MELTF: variants seen among roughly 807,000 people sequenced by gnomAD.
MELTF encodes the protein melanotransferrin.
Under a neutral mutation model 83.7 loss-of-function variants are expected in MELTF, and 67 were observed. That is an observed-to-expected ratio of 0.80 (90% CI 0.66 to 0.98). The LOEUF (loss-of-function observed/expected upper bound fraction) is 0.98, where lower values mean the gene tolerates loss of function less well. Ranked by LOEUF, MELTF falls within the 50% of genes least tolerant of loss-of-function variation. MELTF has a pLI of 0.00. For missense variants in MELTF, 1,002 were observed against 1,035.6 expected (o/e 0.97, Z 0.44); for synonymous variants, 462 against 447.6 (o/e 1.03, Z -0.41).
At chr3:197,020,779 C>T (rs2148588606) in intron 6 of MELTF, among the ~76,000 whole-genome samples, 1 of 152,166 alleles carries the variant, frequency 6.6e-6, no homozygotes, top group Middle Eastern at 3.4e-3. Flanking sequence ...AGCAATTCCC[C>T]TGCCTCAGCC....
In MELTF at chr3:197,002,877, C is replaced by A. The variant is rs1718795476; in HGVS notation, c.*495G>T. The A allele has an allele frequency of 6.6e-6, 1 of 152,044 alleles. No homozygotes were observed. Among genetic ancestry groups the A allele is most frequent in the African/African-American group, 2.4e-5 (1 of 41,442 alleles). The allele number at this position is 152,044 out of a possible 1,614,324, so 9.4% of individuals were successfully genotyped here. A position where few individuals can be genotyped will look rare whatever the true frequency, so the allele number is the denominator to read the frequency against. On this transcript the variant is annotated 3_prime_UTR_variant, in exon 16 of 16. Transcript: ENST00000296350. ...GCTTCTCCCCGTCGCCCCGGTCCGG[C>A]CTCCCTCCCGCCGCCGCCAGCAGAG...
Position 197,002,737 on chromosome 3 carries a change from C to T in MELTF, c.*635G>A, listed in dbSNP as rs1577921070. On this transcript the variant is annotated 3_prime_UTR_variant, in exon 16 of 16. Transcript: ENST00000296350. ...TGGCCCGGGATGGAGCTGGCGCGGC[C>T]ACAGTGGGGGACGAGGCAGGGCACG... The T allele has an allele frequency of 6.6e-6, 1 of 152,424 alleles. No homozygotes were observed. The highest frequency in any genetic ancestry group is 2.1e-4 in the South Asian group (1 of 4,832). The allele number at this position is 152,424 out of a possible 1,614,324, so 9.4% of individuals were successfully genotyped here. A position where few individuals can be genotyped will look rare whatever the true frequency, so the allele number is the denominator to read the frequency against.
Position 197,029,320 on chromosome 3 carries a change from G to A in MELTF, c.49+334C>T, listed in dbSNP as rs184313219. The A allele has an allele frequency of 1.1e-5, 3 of 284,694 alleles. No homozygotes were observed. Among genetic ancestry groups the A allele is most frequent in the Non-Finnish European group, 2.0e-5 (3 of 153,502 alleles). 17.6% of individuals were successfully genotyped at this position (284,694 alleles called of 1,614,324 possible). A position where few individuals can be genotyped will look rare whatever the true frequency, so the allele number is the denominator to read the frequency against. On this transcript the variant is annotated intron_variant, in intron 1 of 15. Transcript: ENST00000296350. This position sits in a 1 kb window ranked among gnomAD's most constrained non-coding sequence, Gnocchi z 6.5. ...TGCTCCGAGCCCCCAAAGTCTTCCT[G>A]AGTTCCTGCGCCCGTCGGGAGGGGC...
intron 9 of MELTF, among the ~76,000 whole-genome samples, chr3:197,012,029 C>A (rs151273289): frequency 6.6e-6 from 1 of 152,202 alleles, no homozygotes; most frequent in African/African-American, 2.4e-5. Context: ...ACCCTCCCAA[C>A]GAGCCCTTTC....
At chr3:197,010,073 G>T (rs1333435101) in intron 10 of MELTF, among the ~76,000 whole-genome samples, 1 of 152,210 alleles carries the variant, frequency 6.6e-6, no homozygotes, top group East Asian at 1.9e-4. Context: ...CCCCACAGGG[G>T]CTTCTTTCTT....
intron 8 of MELTF, 149 bp downstream of exon 8, chr3:197,016,040 A>G (rs949104229): frequency 3.0e-6 from 2 of 660,680 alleles, no homozygotes; most frequent in African/African-American, 3.8e-5. Flanking sequence ...CTCCTCCCCA[A>G]AGCCCCAGGG....
Position 197,029,056 on chromosome 3 carries a change from C to G in MELTF, c.49+598G>C, listed in dbSNP as rs535445476. The stretch of plus-strand genomic sequence containing the variant: ...ATGAGTGCGTCGCCTGCGGCCACAG[C>G]GGTGCCACGAACTCCATCCCCTCGG... On this transcript the variant is annotated intron_variant, in intron 1 of 15. Coordinates refer to ENST00000296350, the MANE Select transcript of MELTF (RefSeq NM_005929.6). This position sits in a 1 kb window ranked among gnomAD's most constrained non-coding sequence, Gnocchi z 6.5. The G allele has an allele frequency of 6.6e-6, 1 of 152,208 alleles. No homozygotes were observed. The highest frequency in any genetic ancestry group is 1.9e-4 in the East Asian group (1 of 5,164). 9.4% of individuals were successfully genotyped at this position (152,208 alleles called of 1,614,324 possible). A position where few individuals can be genotyped will look rare whatever the true frequency, so the allele number is the denominator to read the frequency against.
rs200343812 is a variant in MELTF at position 197,024,367 on chromosome 3, G to A, written c.423C>T (p.Asn141=). 119 of 1,605,146 alleles carry A rather than the reference G, an allele frequency of 7.4e-5. 1 individual carries two copies. The highest frequency in any genetic ancestry group is 7.0e-4 in the Admixed American group (42 of 59,730). ...TCTCCACCAGGTAGCCCACGGGCAC[G>A]TTCCAGCCCACTGTGCGATTGATGC... ...HTGINRTVGW[N]VPVGYLVESG... is the part of the protein sequence containing the mutation. The change falls in exon 4 of 16, where the codon AAC becomes AAT. Residue 141 remains asparagine, a synonymous_variant. Transcript: ENST00000296350. This position sits in a 1 kb window ranked among gnomAD's most constrained non-coding sequence, Gnocchi z 5.3.
chr3:197,019,034 T>G (rs1348227806), intron 6 of MELTF: 1 of 985,332 alleles, frequency 1.0e-6, no homozygotes, highest in African/African-American at 1.7e-5. Context: ...AAAGATAATT[T>G]GTATGGTCAT....
chr3:197,016,241 C>A lies in MELTF; in HGVS notation c.1029G>T (p.Trp343Cys). 1 of 1,605,656 alleles carries A rather than the reference C, an allele frequency of 6.2e-7. No homozygotes were observed. Among genetic ancestry groups the A allele is most frequent in the Admixed American group, 1.7e-5 (1 of 59,236 alleles). ...VPIATQTYEA[W>C]LGHEYLHAMK... is the part of the protein sequence containing the mutation. ...TGGCGTGCAGGTACTCATGGCCCAG[C>A]CACGCCTCATAGGTCTGTGTGGCGA... Residue 343 changes from tryptophan to cysteine, a missense_variant, in exon 8 of 16, where the codon TGG becomes TGT. Transcript: ENST00000296350.
In MELTF at chr3:197,007,193, G is replaced by C. The variant is rs933976641; in HGVS notation, c.1751-457C>G. 6.6e-6 allele frequency among the ~76,000 whole-genome samples: 1 copy of C among 152,104 alleles called. No homozygotes were observed. The highest frequency in any genetic ancestry group is 1.5e-5 in the Non-Finnish European group (1 of 68,000). ...GGGCTGAAGTTCTCAAATGGAACAG[G>C]GTATAGCATCACTTGTGGATGCAGA... On this transcript the variant is annotated intron_variant, in intron 13 of 15. Transcript: ENST00000296350. This position sits in a 1 kb window ranked among gnomAD's most constrained non-coding sequence, Gnocchi z 4.3.
intron 11 of MELTF, 132 bp downstream of exon 11, chr3:197,009,486 A>T: frequency 1.2e-6 from 1 of 814,406 alleles, no homozygotes; most frequent in Non-Finnish European, 1.9e-6. Flanking sequence ...TCCCCAGCTT[A>T]TGGAGATACC....
In MELTF at chr3:197,029,607, C is replaced by T. The variant is rs765640363; in HGVS notation, c.49+47G>A. 1.6e-6 allele frequency: 2 copies of T among 1,233,756 alleles called. No homozygotes were observed. The highest frequency in any genetic ancestry group is 4.2e-5 in the Admixed American group (1 of 23,728). 76.4% of individuals were successfully genotyped at this position (1,233,756 alleles called of 1,614,324 possible). ...CGGGACCTGCTCAGCCGGGCCGCGG[C>T]GCCCCGGGACCCCCGCCCGCCTTTG... is the stretch of plus-strand genomic sequence containing the variant. On this transcript the variant is annotated intron_variant, in intron 1 of 15. Coordinates refer to ENST00000296350, the MANE Select transcript of MELTF (RefSeq NM_005929.6). The surrounding 1 kb of genome is among the most constrained non-coding windows in gnomAD (Gnocchi z 6.5).
At chr3:197,005,452 T>C (rs967818361) in intron 14 of MELTF, among the ~76,000 whole-genome samples, 2 of 152,220 alleles carry the variant, frequency 1.3e-5, no homozygotes, top group African/African-American at 4.8e-5. Flanking sequence ...AAGCCATCTG[T>C]ATATAGATGG....
At chr3:197,019,462 G>A in intron 6 of MELTF, 1 of 1,446,160 alleles carries the variant, frequency 6.9e-7, no homozygotes, top group South Asian at 1.6e-5. Flanking sequence ...CTTTGAAAAA[G>A]CTGCCAGGTG....
In MELTF at chr3:197,016,382, G is replaced by A; in HGVS notation, c.901-13C>T. On this transcript the variant is annotated splice_polypyrimidine_tract_variant and intron_variant, in intron 7 of 15. Coordinates refer to ENST00000296350, the MANE Select transcript of MELTF (RefSeq NM_005929.6). Reference sequence around the variant, plus strand: ...GGCTGAACAGACGCTGTGTGTCAAGGGGTGTGGTACAGGGTGGTGAGGGTG... The same window carrying A: ...GGCTGAACAGACGCTGTGTGTCAAGAGGTGTGGTACAGGGTGGTGAGGGTG... 2 of 1,571,830 alleles carry A rather than the reference G, an allele frequency of 1.3e-6. No individual in the cohort carries two copies. Among genetic ancestry groups the A allele is most frequent in the South Asian group, 1.2e-5 (1 of 83,350 alleles).
intron 6 of MELTF, among the ~76,000 whole-genome samples, chr3:197,018,639 G>A (rs1169901037): frequency 2.0e-5 from 3 of 151,716 alleles, no homozygotes; most frequent in Non-Finnish European, 2.9e-5. Flanking sequence ...TAGAGATGGG[G>A]TTTCACCATG....
intron 3 of MELTF, chr3:197,026,385 G>A: frequency 2.2e-6 from 1 of 452,182 alleles, no homozygotes; most frequent in Non-Finnish European, 4.1e-6. Context: ...ACCACGCCAG[G>A]CCCGGGACAG....
At chr3:197,027,988 T>C in intron 1 of MELTF, 78 bp from the exon 2 acceptor site, 2 of 1,455,274 alleles carry the variant, frequency 1.4e-6, no homozygotes, top group East Asian at 2.5e-5. Context: ...GCTCCAGCAG[T>C]TCTGTGTGAG....
Sources: gnomAD v4.1 joint callset for allele counts (sites outside exome capture counted in the v4.1 genomes callset) on GRCh38, gnomAD v4.1.1 for gene constraint, Gnocchi (gnomAD v3.1) non-coding constraint, MANE v1.5 for transcripts, NCBI Gene and HGNC (gene_info 2026-07-23, HGNC 2026-07-21) for gene names.